The following SH2D4A variants were observed in gnomAD, a reference collection of about 807,000 sequenced individuals.
SH2D4A encodes SH2 domain containing 4A.
Under a neutral mutation model 64.7 loss-of-function variants are expected in SH2D4A, and 70 were observed. The observed-to-expected ratio is 1.08, with a 90% CI of 0.89 to 1.32. SH2D4A has a LOEUF of 1.32. SH2D4A is among the 40% of genes most tolerant of loss of function. The pLI is 0.00. For missense variants in SH2D4A, 706 were observed against 540.1 expected (o/e 1.31, Z -3.04); for synonymous variants, 268 against 200.7 (o/e 1.34, Z -2.83).
intron 7 of SH2D4A, among the ~76,000 whole-genome samples, chr8:19,367,770 A>G (rs1370401332): frequency 6.6e-6 from 1 of 151,732 alleles, no homozygotes; most frequent in Non-Finnish European, 1.5e-5. Context: ...TGTGCTTTTG[A>G]GGTGTTACTT....
intron 8 of SH2D4A, among the ~76,000 whole-genome samples, chr8:19,382,864 T>G (rs2053321175): frequency 7.7e-6 from 1 of 129,582 alleles, no homozygotes; most frequent in Non-Finnish European, 1.6e-5. Context: ...AGGGTCTCAC[T>G]CTGTCATCCT....
chr8:19,363,694 C>T (rs895671113), intron 6 of SH2D4A: 13 of 297,728 alleles, frequency 4.4e-5, no homozygotes, highest in Admixed American at 1.9e-4. Context: ...TCATGCAGGG[C>T]GTGACAATTG....
At chr8:19,351,520 G>T (rs1002698554) in intron 4 of SH2D4A, among the ~76,000 whole-genome samples, 1 of 151,904 alleles carries the variant, frequency 6.6e-6, no homozygotes, top group Admixed American at 6.6e-5. Context: ...GGAGAATGGC[G>T]TGAACCCAGG....
At chr8:19,364,999 T>C (rs1259570682) in intron 7 of SH2D4A, among the ~76,000 whole-genome samples, 1 of 152,314 alleles carries the variant, frequency 6.6e-6, no homozygotes, top group East Asian at 1.9e-4. Context: ...ATTGATCTTA[T>C]TTTTAACATC....
Position 19,373,601 on chromosome 8 carries a change from AGCTACCACTTCGAGCGG to A in SH2D4A, c.997_1013del (p.Leu333GlufsTer21), listed in dbSNP as rs1473667962. ...ATCATCCGGTGGTTTAAAGAGGAGCAGCTACCACTTCGAGCGGGCTACCAGAAAACCTCAGACACCAT... is the reference window on the plus strand; with the variant it reads ...ATCATCCGGTGGTTTAAAGAGGAGCAGCTACCAGAAAACCTCAGACACCAT... On this transcript the variant is annotated frameshift_variant, in exon 8 of 10. Coordinates refer to ENST00000265807, the MANE Select transcript of SH2D4A (RefSeq NM_022071.4). LOFTEE classifies it high-confidence loss of function. The A allele has an allele frequency of 6.2e-7, 1 of 1,613,332 alleles. No individual in the cohort carries two copies. Among genetic ancestry groups the A allele is most frequent in the African/African-American group, 1.3e-5 (1 of 74,828 alleles).
intron 1 of SH2D4A, among the ~76,000 whole-genome samples, chr8:19,316,827 G>A (rs1006278252): frequency 6.6e-6 from 1 of 152,202 alleles, no homozygotes; most frequent in Non-Finnish European, 1.5e-5. Context: ...GCTGACCTGT[G>A]CTCTATCTTC....
intron 8 of SH2D4A, among the ~76,000 whole-genome samples, chr8:19,378,797 G>A (rs907913167): frequency 6.6e-6 from 1 of 151,200 alleles, no homozygotes; most frequent in African/African-American, 2.4e-5. Flanking sequence ...TATAATCCCA[G>A]CACTTTGGGA....
intron 1 of SH2D4A, chr8:19,314,035 CCGG>C (rs1227832943): frequency 1.8e-3 from 33 of 17,978 alleles, no homozygotes; most frequent in African/African-American, 3.3e-3. Context: ...CGGCGGGTGT[CCGG>C]TGTCCGGTGT....
intron 8 of SH2D4A, among the ~76,000 whole-genome samples, chr8:19,388,845 G>A (rs1278686342): frequency 2.0e-5 from 3 of 152,214 alleles, no homozygotes; most frequent in South Asian, 2.1e-4. Flanking sequence ...TGCTGAGTGT[G>A]TAAAAATAAA....
chr8:19,387,021 A>G (rs1258406440), intron 8 of SH2D4A, among the ~76,000 whole-genome samples: 1 of 136,464 alleles, frequency 7.3e-6, no homozygotes, highest in Non-Finnish European at 1.6e-5. Context: ...ACACCCAGCT[A>G]ATAGTTTTTG....
intron 4 of SH2D4A, among the ~76,000 whole-genome samples, chr8:19,353,672 C>CTTTTTT (rs2052743475): frequency 1.2e-5 from 1 of 86,258 alleles, no homozygotes; most frequent in African/African-American, 4.2e-5. Flanking sequence ...TGGCCTCTAG[C>CTTTTTT]TGTTTTTTTT....
intron 4 of SH2D4A, 65 bp downstream of exon 4, chr8:19,334,922 A>G (rs912786416): frequency 2.0e-6 from 3 of 1,511,610 alleles, no homozygotes; most frequent in Non-Finnish European, 2.7e-6. Context: ...TATTGAGGCC[A>G]CAGAGACTAC....
At chr8:19,375,013 T>C (rs961881380) in intron 8 of SH2D4A, 4 of 152,150 alleles carry the variant, frequency 2.6e-5, no homozygotes, top group African/African-American at 9.7e-5. Flanking sequence ...AAAATGATGG[T>C]TGTTATTAAA....
At chr8:19,380,917 A>G (rs1464037501) in intron 8 of SH2D4A, among the ~76,000 whole-genome samples, 1 of 151,988 alleles carries the variant, frequency 6.6e-6, no homozygotes, top group Non-Finnish European at 1.5e-5. Flanking sequence ...AAATGTTGGG[A>G]TTTTGGTAGG....
At chr8:19,315,972 A>C (rs1234816672) in intron 1 of SH2D4A, among the ~76,000 whole-genome samples, 2 of 152,222 alleles carry the variant, frequency 1.3e-5, no homozygotes, top group African/African-American at 4.8e-5. Context: ...GTGAGGTGAC[A>C]GCACAGAGTC....
At chr8:19,365,277 G>A (rs17128311) in intron 7 of SH2D4A, among the ~76,000 whole-genome samples, 12,299 of 152,080 alleles carry the variant, frequency 0.081, 1,606 homozygotes, top group African/African-American at 0.28. Context: ...GGAAAGTTCC[G>A]TTTCGGGAAG....
intron 8 of SH2D4A, among the ~76,000 whole-genome samples, chr8:19,392,030 G>T (rs1305286608): frequency 6.6e-6 from 1 of 152,050 alleles, no homozygotes; most frequent in African/African-American, 2.4e-5. Flanking sequence ...ATCTTTCCAA[G>T]ATGCGTTTCT....
chr8:19,352,549 T>C (rs976064359), intron 4 of SH2D4A, among the ~76,000 whole-genome samples: 2 of 152,224 alleles, frequency 1.3e-5, no homozygotes, highest in Non-Finnish European at 2.9e-5. Context: ...CTCATAGAGC[T>C]CCAGCAGCTG....
At chr8:19,378,655 C>T (rs899364337) in intron 8 of SH2D4A, among the ~76,000 whole-genome samples, 3 of 152,042 alleles carry the variant, frequency 2.0e-5, no homozygotes, top group Non-Finnish European at 4.4e-5. Context: ...AGGCTGGTCT[C>T]GAACCCCTGA....
Sources: allele counts gnomAD v4.1 joint callset (sites outside exome capture counted in the v4.1 genomes callset), GRCh38; gene constraint gnomAD v4.1.1; transcripts MANE v1.5; gene names NCBI Gene and HGNC (gene_info 2026-07-23, HGNC 2026-07-21).